PLOD1: variants seen among roughly 807,000 people sequenced by gnomAD.
PLOD1 encodes the protein procollagen-lysine,2-oxoglutarate 5-dioxygenase 1, also known as lysine hydroxylase.
Under a neutral mutation model 94.7 loss-of-function variants are expected in PLOD1, and 70 were observed. That is an observed-to-expected ratio of 0.74 (90% CI 0.61 to 0.90). PLOD1 has a LOEUF of 0.90. Among genes scored for constraint, PLOD1 ranks in the 40% least tolerant of loss-of-function variants. PLOD1 has a pLI of 0.00. For synonymous variants in PLOD1, 417 were observed against 400.2 expected (o/e 1.04, Z -0.50); for missense variants, 905 against 972.7 (o/e 0.93, Z 0.93).
chr1:11,949,626 G>A lies in PLOD1; in HGVS notation c.169-147G>A. 4.1e-6 allele frequency: 3 copies of A among 732,696 alleles called. No individual in the cohort carries two copies. In the Admixed American group the frequency reaches 7.9e-5, roughly 19 times the overall value. The allele number at this position is 732,696 out of a possible 1,614,324, so 45.4% of individuals were successfully genotyped here. On this transcript the variant is annotated intron_variant, in intron 2 of 18. Coordinates refer to ENST00000196061, the MANE Select transcript of PLOD1 (RefSeq NM_000302.4). The stretch of plus-strand genomic sequence containing the variant: ...GTAGAGACAGGGTTTCGCCATGTTG[G>A]CCAGTCTGGTCTTGAATTCCTGACC...
intron 10 of PLOD1, among the ~76,000 whole-genome samples, chr1:11,962,734 C>A (rs74430341): frequency 0.17 from 26,124 of 151,706 alleles, 2,569 homozygotes; most frequent in African/African-American, 0.26. Flanking sequence ...CACAGTGAGA[C>A]CCCCATCTCT....
chr1:11,959,935 T>G (rs1349098733), intron 9 of PLOD1, among the ~76,000 whole-genome samples: 1 of 149,284 alleles, frequency 6.7e-6, no homozygotes, highest in African/African-American at 2.5e-5. Context: ...TTTTTCCTTT[T>G]TTTTTTTTTT....
Position 11,958,708 on chromosome 1 carries a change from A to C in PLOD1, c.975+61A>C. The stretch of plus-strand genomic sequence containing the variant: ...CTTAGATCCAGGGCCCAGCTTCACA[A>C]GGTAGCCCGAGACCTCTGAGGGTCT... On this transcript the variant is annotated intron_variant, in intron 9 of 18. Transcript: ENST00000196061. This position sits in a 1 kb window ranked among gnomAD's most constrained non-coding sequence, Gnocchi z 4.3. 6.3e-7 allele frequency: 1 copy of C among 1,599,646 alleles called. No individual in the cohort carries two copies. The highest frequency in any genetic ancestry group is 1.1e-5 in the South Asian group (1 of 90,544).
chr1:11,945,207 G>A (rs914857658), intron 1 of PLOD1, among the ~76,000 whole-genome samples: 11 of 152,138 alleles, frequency 7.2e-5, no homozygotes, highest in Non-Finnish European at 1.0e-4. Context: ...ATTGGTTGAG[G>A]CTGGGAGTTC....
Position 11,965,591 on chromosome 1 carries a change from G to A in PLOD1, c.1582G>A (p.Glu528Lys), listed in dbSNP as rs112250644. The change falls in exon 14 of 19, where the codon GAG (glutamate) becomes AAG (lysine). Residue 528 changes from glutamate to lysine, a missense_variant and splice_region_variant. Glu to Lys is a moderately conservative substitution (Grantham distance 56). Coordinates refer to ENST00000196061, the MANE Select transcript of PLOD1 (RefSeq NM_000302.4). ...CCTCTGGGAGGTGTTCAGCAACCCC[G>A]AGGTGAGGCCAGGGTGGGCACATAG... ...NDLWEVFSNP[E>K]DWKEKYIHQN... is the part of the protein sequence containing the mutation. The A allele has an allele frequency of 1.7e-4, 276 of 1,598,152 alleles. No homozygotes were observed. The African/African-American group carries it at 2.8e-3, about 16-fold the overall frequency.
intron 17 of PLOD1, chr1:11,971,399 A>G (rs1466584141): frequency 5.4e-6 from 1 of 186,844 alleles, no homozygotes; most frequent in Non-Finnish European, 1.1e-5. Context: ...CACCCCCTCC[A>G]TCTAGTAGCG....
At position 11,964,828 on chromosome 1, in the gene PLOD1, C is replaced by T. The variant is rs764477346; in HGVS notation, c.1470+43C>T. The T allele has an allele frequency of 3.1e-6, 5 of 1,607,914 alleles. No homozygotes were observed. In the African/African-American group the frequency reaches 6.7e-5, roughly 21 times the overall value. ...AGCACAGGACGCCCTCTGGATGGGG[C>T]AGGCGGGAAGGTGGGCCTCCAGCTC... On this transcript the variant is annotated intron_variant, in intron 13 of 18. Transcript: ENST00000196061.
chr1:11,975,046 C>G lies in PLOD1; in HGVS notation c.*238C>G, dbSNP rs1645894642. The G allele has an allele frequency of 1.7e-6, 1 of 591,780 alleles. No homozygotes were observed. The highest frequency in any genetic ancestry group is 3.0e-6 in the Non-Finnish European group (1 of 332,028). 36.7% of individuals were successfully genotyped at this position (591,780 alleles called of 1,614,324 possible). ...GGACCCAGCCCCTGGAGACACCATTCACTTTTACTGCTTTGTAGTGACTCG... is the reference window on the plus strand; with the variant it reads ...GGACCCAGCCCCTGGAGACACCATTGACTTTTACTGCTTTGTAGTGACTCG... On this transcript the variant is annotated 3_prime_UTR_variant, in exon 19 of 19. Coordinates refer to ENST00000196061, the MANE Select transcript of PLOD1 (RefSeq NM_000302.4).
At chr1:11,968,058 G>A (rs778092628) in intron 16 of PLOD1, among the ~76,000 whole-genome samples, 61 of 151,328 alleles carry the variant, frequency 4.0e-4, no homozygotes, top group Admixed American at 9.3e-4. Context: ...AGTTCAAGCA[G>A]TTTTCTTGCC....
At chr1:11,960,574 T>C in intron 9 of PLOD1, 72 bp from the exon 10 acceptor site, 1 of 1,064,820 alleles carries the variant, frequency 9.4e-7, no homozygotes, top group Non-Finnish European at 1.5e-6. Flanking sequence ...TGACAGGAGG[T>C]GCTACAGTCC....
At chr1:11,935,087 A>G (rs987131021) in intron 1 of PLOD1, among the ~76,000 whole-genome samples, 3 of 152,218 alleles carry the variant, frequency 2.0e-5, no homozygotes, top group African/African-American at 7.2e-5. Context: ...CAGCACAGAA[A>G]GGCTCAAATA....
rs1250971803 is a variant in PLOD1, at chr1:11,964,173, A to G, written c.1203-2A>G. The G allele has an allele frequency of 6.2e-7, 1 of 1,613,864 alleles. No individual in the cohort carries two copies. Among genetic ancestry groups the G allele is most frequent in the South Asian group, 1.1e-5 (1 of 91,084 alleles). ...TCCTACTGAGGTGCTCCCTTCCCTCAGGAACGTCATTGCCCCGCTGATGAC... is the reference window on the plus strand; with the variant it reads ...TCCTACTGAGGTGCTCCCTTCCCTCGGGAACGTCATTGCCCCGCTGATGAC... On this transcript the variant is annotated splice_acceptor_variant, in intron 11 of 18. Coordinates refer to ENST00000196061, the MANE Select transcript of PLOD1 (RefSeq NM_000302.4). LOFTEE classifies it high-confidence loss of function.
At chr1:11,965,110 C>T (rs1055216583) in intron 13 of PLOD1, among the ~76,000 whole-genome samples, 2 of 151,634 alleles carry the variant, frequency 1.3e-5, no homozygotes, top group Admixed American at 1.3e-4. Flanking sequence ...CGAGAGACAC[C>T]TCACCCTGTC....
chr1:11,958,635 C>T lies in PLOD1; in HGVS notation c.963C>T (p.Phe321=), dbSNP rs2100752293. 5 of 1,614,120 alleles carry T rather than the reference C, an allele frequency of 3.1e-6. No homozygotes were observed. Among genetic ancestry groups the T allele is most frequent in the Admixed American group, 1.7e-5 (1 of 60,008 alleles). Residue 321 remains phenylalanine, a synonymous_variant, in exon 9 of 19, where the codon TTC becomes TTT. Coordinates refer to ENST00000196061, the MANE Select transcript of PLOD1 (RefSeq NM_000302.4). This position sits in a 1 kb window ranked among gnomAD's most constrained non-coding sequence, Gnocchi z 4.3. ...ACCCCCAGAAACACATGCGACTTTTCATCCACAACCACGTGAGTAACAGGC... is the reference window on the plus strand; with the variant it reads ...ACCCCCAGAAACACATGCGACTTTTTATCCACAACCACGTGAGTAACAGGC... ...LHYPQKHMRL[F]IHNHEQHHKA...
intron 18 of PLOD1, 53 bp from the exon 19 acceptor site, chr1:11,974,600 C>T (rs1645890056): frequency 1.3e-6 from 2 of 1,565,754 alleles, no homozygotes; most frequent in Non-Finnish European, 1.8e-6. Flanking sequence ...GACGGGAGAA[C>T]AGACGGGCAG....
At position 11,957,349 on chromosome 1, in the gene PLOD1, A is replaced by G. The variant is rs1645746154; in HGVS notation, c.741+335A>G. On this transcript the variant is annotated intron_variant, in intron 7 of 18. Coordinates refer to ENST00000196061, the MANE Select transcript of PLOD1 (RefSeq NM_000302.4). This position sits in a 1 kb window ranked among gnomAD's most constrained non-coding sequence, Gnocchi z 4.1. ...TAAACCTTTATTTCATGTTTGCACC[A>G]GACAGTAAGACATAGTCATAAGCAG... Among the ~76,000 whole-genome samples the G allele has an allele frequency of 6.6e-6, 1 of 152,176 alleles. No individual in the cohort carries two copies. The highest frequency in any genetic ancestry group is 1.5e-5 in the Non-Finnish European group (1 of 68,030).
At chr1:11,969,553 G>A (rs1645846432) in intron 16 of PLOD1, among the ~76,000 whole-genome samples, 1 of 152,168 alleles carries the variant, frequency 6.6e-6, no homozygotes, top group African/African-American at 2.4e-5. Flanking sequence ...AGCTGACTCT[G>A]GCCCTGGAAC....
At chr1:11,947,244 A>AC (rs1327366400) in intron 1 of PLOD1, among the ~76,000 whole-genome samples, 1 of 145,182 alleles carries the variant, frequency 6.9e-6, no homozygotes, top group African/African-American at 2.6e-5. Flanking sequence ...CTCAAAAAAA[A>AC]AAAAACAAAA....
intron 1 of PLOD1, among the ~76,000 whole-genome samples, chr1:11,946,830 G>T (rs1420856740): frequency 4.6e-5 from 7 of 152,150 alleles, no homozygotes; most frequent in African/African-American, 1.7e-4. Context: ...GGTTTATTTG[G>T]CTCACAGTTC....
Sources: gnomAD v4.1 joint callset for allele counts (sites outside exome capture counted in the v4.1 genomes callset) on GRCh38, gnomAD v4.1.1 for gene constraint, Gnocchi (gnomAD v3.1) non-coding constraint, MANE v1.5 for transcripts, NCBI Gene and HGNC (gene_info 2026-07-23, HGNC 2026-07-21) for gene names.